The following WNT5A variants were observed in gnomAD, a reference collection of about 807,000 sequenced individuals.
WNT5A encodes the protein Wnt family member 5A.
In WNT5A, 9 loss-of-function variants were observed where a neutral mutation model predicts 42.1. That is an observed-to-expected ratio of 0.21 (90% CI 0.13 to 0.37). WNT5A has a LOEUF of 0.37. Among genes scored for constraint, WNT5A ranks in the 10% least tolerant of loss-of-function variants. The pLI, the probability that WNT5A is intolerant of heterozygous loss-of-function variation, is 1.00. For synonymous variants in WNT5A, 210 were observed against 210.0 expected (o/e 1.00, Z 0.00); for missense variants, 426 against 534.0 (o/e 0.80, Z 1.99).
chr3:55,485,254 G>T (rs1328991776), intron 1 of WNT5A, among the ~76,000 whole-genome samples: 1 of 130,846 alleles, frequency 7.6e-6, no homozygotes, highest in African/African-American at 2.8e-5. Flanking sequence ...CCTACCTCAA[G>T]GCGGCCAACA....
At position 55,479,444 on chromosome 3, in the gene WNT5A, C is replaced by T; in HGVS notation, c.261G>A (p.Gln87=). Residue 87 remains glutamine, a synonymous_variant, in exon 3 of 5, where the codon CAG becomes CAA. Transcript: ENST00000264634. Reference sequence around the variant, plus strand: ...CTTCTCCGATGTACTGCATGTGGTCCTGATACAAGTGGCACAGTTTCTTCT... The same window carrying T: ...CTTCTCCGATGTACTGCATGTGGTCTTGATACAAGTGGCACAGTTTCTTCT... ...QGQKKLCHLY[Q]DHMQYIGEGA... 1 of 1,613,992 alleles carries T rather than the reference C, an allele frequency of 6.2e-7. No individual in the cohort carries two copies. The highest frequency in any genetic ancestry group is 8.5e-7 in the Non-Finnish European group (1 of 1,179,898).
At position 55,486,849 on chromosome 3, in the gene WNT5A, C is replaced by T. The variant is rs536759988; in HGVS notation, c.6+131G>A. On this transcript the variant is annotated intron_variant, in intron 1 of 4. Transcript: ENST00000264634. Reference sequence around the variant, plus strand: ...AAGGGGTAGGGGTTCCTGCCAGCGACGCTGGAGTTCCAGCTTCTTCAGGCG... The same window carrying T: ...AAGGGGTAGGGGTTCCTGCCAGCGATGCTGGAGTTCCAGCTTCTTCAGGCG... 20 of 755,662 alleles carry T rather than the reference C, an allele frequency of 2.6e-5. 1 individual carries two copies. The South Asian group carries it at 2.9e-4, about 11-fold the overall frequency. 46.8% of individuals were successfully genotyped at this position (755,662 alleles called of 1,614,324 possible).
Position 55,487,150 on chromosome 3 carries a change from A to ACTGG in WNT5A, c.-169_-166dup, listed in dbSNP as rs1294184741. 4.2e-5 allele frequency: 26 copies of ACTGG among 613,028 alleles called. No individual in the cohort carries two copies. The East Asian group carries it at 7.4e-4, about 17-fold the overall frequency. 38.0% of individuals were successfully genotyped at this position (613,028 alleles called of 1,614,324 possible). On this transcript the variant is annotated 5_prime_UTR_variant, in exon 1 of 5. Coordinates refer to ENST00000264634, the MANE Select transcript of WNT5A (RefSeq NM_003392.7). ...GCAGTGAACCGGAGCTGAAGCGGGC[A>ACTGG]CTGGCGCCCGGGCCTGGACTCCCGA...
upstream of WNT5A, among the ~76,000 whole-genome samples, chr3:55,491,932 T>C (rs1487740479): frequency 6.6e-6 from 1 of 152,224 alleles, no homozygotes. Context: ...CACAACCACA[T>C]GGCCACCGTC....
Position 55,467,546 on chromosome 3 carries a change from C to A in WNT5A, c.*2546G>T, listed in dbSNP as rs1377960672. 6.6e-6 allele frequency: 1 copy of A among 152,552 alleles called. No individual in the cohort carries two copies. Among genetic ancestry groups the A allele is most frequent in the Non-Finnish European group, 1.5e-5 (1 of 68,006 alleles). The allele number at this position is 152,552 out of a possible 1,614,324, so 9.4% of individuals were successfully genotyped here. ...GTCATGGTTTCTCCAAAAATCTCCA[C>A]ATGAATTATCTGAAGGACAATTGAA... On this transcript the variant is annotated 3_prime_UTR_variant, in exon 5 of 5. Transcript: ENST00000264634.
At chr3:55,482,148 G>T (rs1182108659) in intron 1 of WNT5A, among the ~76,000 whole-genome samples, 2 of 152,230 alleles carry the variant, frequency 1.3e-5, no homozygotes, top group East Asian at 3.9e-4. Flanking sequence ...TCCAGACGGG[G>T]CCAGAGGCGC....
intron 1 of WNT5A, among the ~76,000 whole-genome samples, chr3:55,485,958 A>G (rs1475185531): frequency 4.6e-5 from 7 of 152,316 alleles, no homozygotes; most frequent in African/African-American, 1.4e-4. Context: ...AATGGGAAAG[A>G]CCAGAAAAAT....
chr3:55,467,967 A>G lies in WNT5A; in HGVS notation c.*2125T>C, dbSNP rs1294110749. ...CTCACAATTCACTGCAACTGAGGGG[A>G]TGTGAATATCATTATGCAATAAATT... is the stretch of plus-strand genomic sequence containing the variant. On this transcript the variant is annotated 3_prime_UTR_variant, in exon 5 of 5. Coordinates refer to ENST00000264634, the MANE Select transcript of WNT5A (RefSeq NM_003392.7). 2 of 152,154 alleles carry G rather than the reference A, an allele frequency of 1.3e-5. No individual in the cohort carries two copies. The highest frequency in any genetic ancestry group is 4.8e-5 in the African/African-American group (2 of 41,448). 9.4% of individuals were successfully genotyped at this position (152,154 alleles called of 1,614,324 possible). A position where few individuals can be genotyped will look rare whatever the true frequency, so the allele number is the denominator to read the frequency against.
chr3:55,476,691 T>C (rs1389774595), intron 3 of WNT5A, among the ~76,000 whole-genome samples: 1 of 152,228 alleles, frequency 6.6e-6, no homozygotes, highest in African/African-American at 2.4e-5. Context: ...TCTAAGCTAA[T>C]TGGTCACTGC....
chr3:55,481,442 G>C, intron 1 of WNT5A: 2 of 976,984 alleles, frequency 2.0e-6, no homozygotes. Flanking sequence ...TGGCCAGCGC[G>C]GGGGGTGGAG....
At chr3:55,497,810 G>T in the WNT5A span, among the ~76,000 whole-genome samples, 1 of 152,240 alleles carries the variant, frequency 6.6e-6, no homozygotes, top group Admixed American at 6.5e-5. Context: ...AATATGAGGA[G>T]AGATGGAGAG....
At chr3:55,475,964 A>G (rs1035746149) in intron 3 of WNT5A, among the ~76,000 whole-genome samples, 1 of 152,150 alleles carries the variant, frequency 6.6e-6, no homozygotes, top group East Asian at 1.9e-4. Context: ...ACTTTCCTCA[A>G]TTGCAAAATA....
In WNT5A at chr3:55,469,148, T is replaced by G. The variant is rs756556135; in HGVS notation, c.*944A>C. 7.9e-5 allele frequency: 12 copies of G among 152,222 alleles called. No individual in the cohort carries two copies. Among genetic ancestry groups the G allele is most frequent in the Non-Finnish European group, 1.6e-4 (11 of 68,036 alleles). 9.4% of individuals were successfully genotyped at this position (152,222 alleles called of 1,614,324 possible). ...AGTGCTGAATGGCACGCAATTACCT[T>G]GTTGCTTGGGCTGAGAACCTGTGAA... is the stretch of plus-strand genomic sequence containing the variant. On this transcript the variant is annotated 3_prime_UTR_variant, in exon 5 of 5. Coordinates refer to ENST00000264634, the MANE Select transcript of WNT5A (RefSeq NM_003392.7).
Position 55,469,986 on chromosome 3 carries a change from C to T in WNT5A, c.*106G>A. ...AAAAAAAATGGTTCCGGTTGCAATTCTTGGGGAAAAATAAAAAATATTTCT... is the reference window on the plus strand; with the variant it reads ...AAAAAAAATGGTTCCGGTTGCAATTTTTGGGGAAAAATAAAAAATATTTCT... On this transcript the variant is annotated 3_prime_UTR_variant, in exon 5 of 5. Coordinates refer to ENST00000264634, the MANE Select transcript of WNT5A (RefSeq NM_003392.7). 1 of 1,416,774 alleles carries T rather than the reference C, an allele frequency of 7.1e-7. No homozygotes were observed. The highest frequency in any genetic ancestry group is 1.4e-5 in the African/African-American group (1 of 70,132). 87.8% of individuals were successfully genotyped at this position (1,416,774 alleles called of 1,614,324 possible).
chr3:55,487,281 C>G lies in WNT5A; in HGVS notation c.-296G>C. On this transcript the variant is annotated 5_prime_UTR_variant, in exon 1 of 5. Transcript: ENST00000264634. ...GGGGCGCAACTAGGGAGCCGCCGGTCCGGCGAGGGCGCGCAGGCAACTGTT... is the reference window on the plus strand; with the variant it reads ...GGGGCGCAACTAGGGAGCCGCCGGTGCGGCGAGGGCGCGCAGGCAACTGTT... 2.3e-6 allele frequency: 1 copy of G among 429,074 alleles called. No individual in the cohort carries two copies. Among genetic ancestry groups the G allele is most frequent in the East Asian group, 3.8e-5 (1 of 26,098 alleles). The allele number at this position is 429,074 out of a possible 1,614,324, so 26.6% of individuals were successfully genotyped here.
At chr3:55,474,252 C>T (rs557146385) in intron 4 of WNT5A, 85 bp downstream of exon 4, 2 of 1,556,448 alleles carry the variant, frequency 1.3e-6, no homozygotes, top group East Asian at 2.3e-5. Context: ...GAGGAGAGGA[C>T]GGAGCTACAG....
In WNT5A at chr3:55,486,997, G is replaced by T; in HGVS notation, c.-12C>A. ...ACACCTACCTTCATGGCGAGGGGGA[G>T]GGGGCGCGGGGAGGAAGTCGCCACC... On this transcript the variant is annotated 5_prime_UTR_variant, in exon 1 of 5. Coordinates refer to ENST00000264634, the MANE Select transcript of WNT5A (RefSeq NM_003392.7). The T allele has an allele frequency of 6.2e-7, 1 of 1,611,264 alleles. No homozygotes were observed. The highest frequency in any genetic ancestry group is 8.5e-7 in the Non-Finnish European group (1 of 1,178,630).
chr3:55,494,968 G>A (rs910865638), upstream of WNT5A, among the ~76,000 whole-genome samples: 1 of 152,142 alleles, frequency 6.6e-6, no homozygotes, highest in Non-Finnish European at 1.5e-5. Context: ...GTTAGACTTT[G>A]GCCAAAGAAT....
At chr3:55,488,590 C>T (rs1383248923), upstream of WNT5A, among the ~76,000 whole-genome samples, 1 of 151,934 alleles carries the variant, frequency 6.6e-6, no homozygotes. Context: ...AGCCGTACTA[C>T]GGGCTGGGGT....
Sources: allele counts gnomAD v4.1 joint callset (sites outside exome capture counted in the v4.1 genomes callset), GRCh38; gene constraint gnomAD v4.1.1; transcripts MANE v1.5; gene names NCBI Gene and HGNC (gene_info 2026-07-23, HGNC 2026-07-21).